DOCK1: variants seen among roughly 807,000 people sequenced by gnomAD.
The protein encoded by DOCK1 is dedicator of cytokinesis protein 1.
DOCK1 carries 138 observed loss-of-function variants against 262.7 expected under a neutral mutation model. That is an observed-to-expected ratio of 0.53 (90% CI 0.46 to 0.61). DOCK1 has a LOEUF of 0.61. Among genes scored for constraint, DOCK1 ranks in the 20% least tolerant of loss-of-function variants. The probability of loss-of-function intolerance (pLI) is 0.00; values close to 1 mark genes in which losing one functional copy is unlikely to be tolerated. For missense variants in DOCK1, 1,908 were observed against 2,370.7 expected, an observed-to-expected ratio of 0.80 and a Z score of 4.05; for synonymous variants, 866 against 867.4, an observed-to-expected ratio of 1.00 and a Z score of 0.03.
intron 29 of DOCK1, among the ~76,000 whole-genome samples, chr10:127,262,206 G>GTGTGTTCA (rs1369061473): frequency 4.2e-5 from 4 of 95,990 alleles, no homozygotes; most frequent in African/African-American, 1.6e-4. Flanking sequence ...GCTCATCTGT[G>GTGTGTTCA]TGTGTGCGTG....
chr10:126,933,066 A>G (rs1224400732), intron 1 of DOCK1, among the ~76,000 whole-genome samples: 1 of 151,974 alleles, frequency 6.6e-6, no homozygotes, highest in Non-Finnish European at 1.5e-5. Context: ...GACAAGCAGA[A>G]GGCCCAGGGC....
At chr10:126,969,420 G>A (rs144781711) in intron 1 of DOCK1, among the ~76,000 whole-genome samples, 63 of 152,314 alleles carry the variant, frequency 4.1e-4, no homozygotes, top group Non-Finnish European at 4.9e-4. Flanking sequence ...TTCCTTGTAC[G>A]GCTAAGCACC....
intron 29 of DOCK1, among the ~76,000 whole-genome samples, chr10:127,300,662 C>T (rs1330038366): frequency 6.6e-6 from 1 of 152,202 alleles, no homozygotes; most frequent in African/African-American, 2.4e-5. Flanking sequence ...GTTGATCCAT[C>T]TTCGAATACT....
At chr10:127,129,952 T>C (rs941541663) in intron 27 of DOCK1, among the ~76,000 whole-genome samples, 6 of 151,976 alleles carry the variant, frequency 3.9e-5, no homozygotes, top group Admixed American at 3.3e-4. Context: ...CTTGGTCCTC[T>C]CTCTCCGATT....
At chr10:127,322,052 G>A (rs539226756) in intron 29 of DOCK1, among the ~76,000 whole-genome samples, 7 of 151,770 alleles carry the variant, frequency 4.6e-5, no homozygotes, top group Non-Finnish European at 7.4e-5. Context: ...GCAGTGAGCC[G>A]AGATCATGCC....
chr10:126,957,857 T>C (rs889790301), intron 1 of DOCK1, among the ~76,000 whole-genome samples: 34 of 152,296 alleles, frequency 2.2e-4, no homozygotes, highest in Non-Finnish European at 2.9e-5. Context: ...ATAGACACAT[T>C]GTGATGTGTT....
chr10:126,986,792 C>T (rs1309899808), intron 4 of DOCK1, among the ~76,000 whole-genome samples: 5 of 152,130 alleles, frequency 3.3e-5, no homozygotes, highest in Non-Finnish European at 1.5e-5. Flanking sequence ...CACCTGTAGT[C>T]CCAGCTGCTT....
At chr10:127,268,112 C>T (rs1419744167) in intron 29 of DOCK1, among the ~76,000 whole-genome samples, 6 of 152,040 alleles carry the variant, frequency 3.9e-5, no homozygotes, top group Non-Finnish European at 5.9e-5. Context: ...TTTTCATGCA[C>T]GAGACAGCCC....
rs939169827 is a variant in DOCK1, at chr10:126,959,019, A to G, written c.47-11683A>G. Among the ~76,000 whole-genome samples, 1,363 of 152,320 alleles carry G rather than the reference A, an allele frequency of 8.9e-3. 12 individuals carry two copies. Among genetic ancestry groups the G allele is most frequent in the Middle Eastern group, 0.027 (8 of 294 alleles). On this transcript the variant is annotated intron_variant, in intron 1 of 51. Transcript: ENST00000623213. The stretch of plus-strand genomic sequence containing the variant: ...AGAAATACATTGGTTTGGTCCAGAA[A>G]GGCGGGACATTCCAAAGCAGGGGCT...
Position 127,365,033 on chromosome 10 carries a change from A to G in DOCK1, c.3432+2821A>G, listed in dbSNP as rs1365052664. ...ACTGTACTAATACAACATTGTAAAT[A>G]TTATACCTAGATTTTTTTTATTAAT... On this transcript the variant is annotated intron_variant, in intron 33 of 51. Transcript: ENST00000623213. Among the ~76,000 whole-genome samples, 7 of 144,302 alleles carry G rather than the reference A, an allele frequency of 4.9e-5. No individual in the cohort carries two copies. In the East Asian group the frequency reaches 1.5e-3, roughly 31 times the overall value. The allele number at this position is 144,302 out of a possible 152,430, so 94.7% of individuals were successfully genotyped here.
chr10:127,317,403 G>A (rs2062331126), intron 29 of DOCK1, among the ~76,000 whole-genome samples: 1 of 152,204 alleles, frequency 6.6e-6, no homozygotes, highest in Admixed American at 6.5e-5. Context: ...AGATTTTTCT[G>A]TGTTCGTTTG....
chr10:126,919,029 A>G (rs918030420), intron 1 of DOCK1, among the ~76,000 whole-genome samples: 5 of 117,432 alleles, frequency 4.3e-5, no homozygotes, highest in African/African-American at 1.5e-4. Flanking sequence ...CTGTCTAAAG[A>G]TCATTAGGAG....
At chr10:127,225,181 A>T (rs2058590648) in intron 27 of DOCK1, among the ~76,000 whole-genome samples, 1 of 152,242 alleles carries the variant, frequency 6.6e-6, no homozygotes, top group African/African-American at 2.4e-5. Flanking sequence ...AAGAATTGTG[A>T]TACATTACTA....
intron 38 of DOCK1, among the ~76,000 whole-genome samples, chr10:127,395,905 A>G (rs2066799941): frequency 6.6e-6 from 1 of 152,208 alleles, no homozygotes; most frequent in African/African-American, 2.4e-5. Context: ...TAGGAAGGGA[A>G]TGCTTCACTT....
chr10:127,340,014 C>G lies in DOCK1; in HGVS notation c.3123+930C>G, dbSNP rs543715469. 2.0e-5 allele frequency among the ~76,000 whole-genome samples: 3 copies of G among 152,196 alleles called. No homozygotes were observed. The South Asian group carries it at 6.2e-4, about 32-fold the overall frequency. On this transcript the variant is annotated intron_variant, in intron 30 of 51. Transcript: ENST00000623213. ...TGATCCAACCCCAAAATAAGTTACCCAATAGCAAATAATAAGTTTACCCAA... is the reference window on the plus strand; with the variant it reads ...TGATCCAACCCCAAAATAAGTTACCGAATAGCAAATAATAAGTTTACCCAA...
intron 1 of DOCK1, among the ~76,000 whole-genome samples, chr10:126,946,532 C>T (rs990454994): frequency 7.9e-5 from 12 of 152,168 alleles, no homozygotes; most frequent in South Asian, 2.1e-4. Flanking sequence ...GGCAACAGAG[C>T]GAGACTTCAT....
intron 29 of DOCK1, among the ~76,000 whole-genome samples, chr10:127,291,851 T>C (rs1291617567): frequency 6.6e-6 from 1 of 152,176 alleles, no homozygotes; most frequent in African/African-American, 2.4e-5. Context: ...AAATCATCTT[T>C]TAAACAAGGG....
At chr10:127,400,877 G>A (rs934042637) in intron 38 of DOCK1, among the ~76,000 whole-genome samples, 3 of 152,248 alleles carry the variant, frequency 2.0e-5, no homozygotes, top group Admixed American at 6.5e-5. Flanking sequence ...ATGATAATAG[G>A]CCTTCCCTAA....
At chr10:127,418,967 G>A (rs1000318565) in intron 45 of DOCK1, among the ~76,000 whole-genome samples, 1 of 152,250 alleles carries the variant, frequency 6.6e-6, no homozygotes, top group Non-Finnish European at 1.5e-5. Flanking sequence ...GGAATGGGCA[G>A]AAGTTGAAGG....
Sources: allele counts gnomAD v4.1 joint callset (sites outside exome capture counted in the v4.1 genomes callset), GRCh38; gene constraint gnomAD v4.1.1; transcripts MANE v1.5; gene names NCBI Gene and HGNC (gene_info 2026-07-23, HGNC 2026-07-21).